EPC2: variants seen among roughly 807,000 people sequenced by gnomAD.
The protein encoded by EPC2 is enhancer of polycomb homolog 2.
In EPC2, 14 loss-of-function variants were observed where a neutral mutation model predicts 92.1. That is an observed-to-expected ratio of 0.15 (90% CI 0.10 to 0.24). The LOEUF is 0.24. EPC2 is among the 10% of genes least tolerant of loss of function. EPC2 has a pLI of 1.00. For missense variants in EPC2, 755 were observed against 971.5 expected (o/e 0.78, Z 2.96); for synonymous variants, 340 against 334.7 (o/e 1.02, Z -0.17).
intron 1 of EPC2, among the ~76,000 whole-genome samples, chr2:148,681,207 C>T (rs1558807511): frequency 6.6e-6 from 1 of 152,168 alleles, no homozygotes; most frequent in East Asian, 1.9e-4. Flanking sequence ...ACGTCCACTT[C>T]TGAGAAGCCT....
At chr2:148,677,625 G>A (rs1335327267) in intron 1 of EPC2, among the ~76,000 whole-genome samples, 2 of 152,236 alleles carry the variant, frequency 1.3e-5, no homozygotes, top group African/African-American at 4.8e-5. Context: ...CTGACTTCAA[G>A]AATGAAGCCG....
At position 148,674,167 on chromosome 2, in the gene EPC2, A is replaced by G. The variant is rs367978830; in HGVS notation, c.154-16047A>G. Among the ~76,000 whole-genome samples the G allele has an allele frequency of 1.0e-3, 153 of 152,298 alleles. 3 individuals carry two copies. The highest frequency in any genetic ancestry group is 7.7e-3 in the East Asian group (40 of 5,178). On this transcript the variant is annotated intron_variant, in intron 1 of 13. Coordinates refer to ENST00000258484, the MANE Select transcript of EPC2 (RefSeq NM_015630.4). Reference sequence around the variant, plus strand: ...GTCCAGCTAGAGATTCTGGAGATGCATCTTTGTTGTACTTGTATGTGTAAT... The same window carrying G: ...GTCCAGCTAGAGATTCTGGAGATGCGTCTTTGTTGTACTTGTATGTGTAAT...
rs1683870751 is a variant in EPC2, at chr2:148,786,491, C to CTA, written c.*117_*118dup. 3.9e-6 allele frequency: 3 copies of CTA among 776,220 alleles called. No homozygotes were observed. The South Asian group carries it at 5.2e-5, about 13-fold the overall frequency. The allele number at this position is 776,220 out of a possible 1,614,324, so 48.1% of individuals were successfully genotyped here. ...GAGTGTAACAATGGACCTAAATGGA[C>CTA]TATAGTATATTGGATGTTAAATCCA... On this transcript the variant is annotated 3_prime_UTR_variant, in exon 14 of 14. Transcript: ENST00000258484.
chr2:148,769,703 T>C (rs1289550776), intron 8 of EPC2, among the ~76,000 whole-genome samples: 1 of 152,180 alleles, frequency 6.6e-6, no homozygotes, highest in Admixed American at 6.5e-5. Context: ...TGTCTAATAA[T>C]TGTATTCATA....
At chr2:148,710,855 G>T (rs1453794322) in intron 2 of EPC2, among the ~76,000 whole-genome samples, 3 of 152,096 alleles carry the variant, frequency 2.0e-5, no homozygotes, top group African/African-American at 7.2e-5. Context: ...GTGGGTTGGG[G>T]GGAGTGGGGA....
In EPC2 at chr2:148,786,320, A is replaced by G. The variant is rs764709455; in HGVS notation, c.2367A>G (p.Pro789=). 4.1e-5 allele frequency: 66 copies of G among 1,611,938 alleles called. No individual in the cohort carries two copies. The highest frequency in any genetic ancestry group is 5.2e-5 in the Non-Finnish European group (61 of 1,179,048). ...ISSIARENHE[P]ERLGLNGIAE... ...ATTACCATAGAGAGAACCACGAACC[A>G]GAAAGATTGGGCTTAAATGGAATAG... is the stretch of plus-strand genomic sequence containing the variant. The change falls in exon 14 of 14, where the codon CCA becomes CCG. Residue 789 remains proline (P), a synonymous_variant. Coordinates refer to ENST00000258484, the MANE Select transcript of EPC2 (RefSeq NM_015630.4).
intron 2 of EPC2, among the ~76,000 whole-genome samples, chr2:148,697,996 G>A (rs748282462): frequency 8.6e-5 from 13 of 151,984 alleles, no homozygotes; most frequent in African/African-American, 1.2e-4. Context: ...ATTGGACCAC[G>A]TAGGACCTCA....
chr2:148,780,899 T>A (rs1379656982), intron 10 of EPC2, among the ~76,000 whole-genome samples: 1 of 152,208 alleles, frequency 6.6e-6, no homozygotes, highest in Non-Finnish European at 1.5e-5. Flanking sequence ...TGTTTACATT[T>A]CTTTGAGAAA....
rs114128512 is a variant in EPC2, at chr2:148,738,528, T to C, written c.314-5094T>C. On this transcript the variant is annotated intron_variant, in intron 2 of 13. Transcript: ENST00000258484. The stretch of plus-strand genomic sequence containing the variant: ...ACTTTTGATTGGTTTACATTCAGTC[T>C]ATTAGAGGGTACTTATGCTATATGT... 7.2e-3 allele frequency among the ~76,000 whole-genome samples: 1,090 copies of C among 152,338 alleles called. 6 individuals carry two copies. The highest frequency in any genetic ancestry group is 0.025 in the African/African-American group (1,024 of 41,562).
At chr2:148,748,672 A>C (rs1450791733) in intron 3 of EPC2, among the ~76,000 whole-genome samples, 3 of 152,162 alleles carry the variant, frequency 2.0e-5, no homozygotes, top group African/African-American at 7.2e-5. Context: ...TATATACTTT[A>C]TACACACAGT....
At chr2:148,660,751 C>T (rs917254689) in intron 1 of EPC2, among the ~76,000 whole-genome samples, 1 of 151,830 alleles carries the variant, frequency 6.6e-6, no homozygotes, top group Admixed American at 6.6e-5. Flanking sequence ...GTTGTCTAAA[C>T]ATCATTTAAA....
At chr2:148,755,302 A>G (rs1021191934) in intron 4 of EPC2, among the ~76,000 whole-genome samples, 9 of 152,284 alleles carry the variant, frequency 5.9e-5, no homozygotes, top group East Asian at 1.9e-4. Context: ...CTGAAACAAG[A>G]TAAGTTCATA....
At chr2:148,766,681 A>G (rs1249150014) in intron 7 of EPC2, among the ~76,000 whole-genome samples, 2 of 152,236 alleles carry the variant, frequency 1.3e-5, no homozygotes, top group African/African-American at 4.8e-5. Flanking sequence ...AGCACAAAAC[A>G]TAGAAGAGGA....
chr2:148,658,635 A>AT (rs1680867065), intron 1 of EPC2, among the ~76,000 whole-genome samples: 1 of 148,502 alleles, frequency 6.7e-6, no homozygotes, highest in African/African-American at 2.5e-5. Flanking sequence ...ATATATATGC[A>AT]TTTTTCCCTT....
intron 9 of EPC2, 45 bp downstream of exon 9, chr2:148,770,982 A>G (rs756742878): frequency 1.1e-5 from 18 of 1,598,836 alleles, no homozygotes; most frequent in Middle Eastern, 1.7e-4. Flanking sequence ...TATCTGGAAC[A>G]GAAGACAAAG....
Position 148,761,926 on chromosome 2 carries a change from A to G in EPC2, c.811A>G (p.Lys271Glu). The stretch of plus-strand genomic sequence containing the variant: ...GCACTTAACCTTAGAAGTTGTGGAG[A>G]AAAGGTAACATTGCTCCTGTTACAA... ...LLHLTLEVVEKRYHLGDYGGE... is the reference protein window; with the variant it reads ...LLHLTLEVVEERYHLGDYGGE... The change falls in exon 5 of 14, where the codon AAA (lysine) becomes GAA (glutamate). Residue 271 changes from lysine (K) to glutamate (E), a missense_variant. Transcript: ENST00000258484. 6.3e-7 allele frequency: 1 copy of G among 1,583,920 alleles called. No homozygotes were observed. The highest frequency in any genetic ancestry group is 8.5e-7 in the Non-Finnish European group (1 of 1,170,408).
At chr2:148,772,316 T>C (rs1348387597) in intron 10 of EPC2, among the ~76,000 whole-genome samples, 1 of 152,200 alleles carries the variant, frequency 6.6e-6, no homozygotes, top group African/African-American at 2.4e-5. Flanking sequence ...ATAGATATCT[T>C]TATACATTGT....
Position 148,784,867 on chromosome 2 carries a change from T to G in EPC2, c.2217T>G (p.Val739=). Reference sequence around the variant, plus strand: ...TGCACCTCAATAATGTCAGTGTTGTTTCTCCAGTCAATGTGCATATCAATA... The same window carrying G: ...TGCACCTCAATAATGTCAGTGTTGTGTCTCCAGTCAATGTGCATATCAATA... ...NAVHLNNVSV[V]SPVNVHINTR... Residue 739 remains valine (V), a synonymous_variant, in exon 13 of 14, where the codon GTT becomes GTG. Coordinates refer to ENST00000258484, the MANE Select transcript of EPC2 (RefSeq NM_015630.4). 1.9e-6 allele frequency: 3 copies of G among 1,613,208 alleles called. No homozygotes were observed. Among genetic ancestry groups the G allele is most frequent in the Non-Finnish European group, 2.5e-6 (3 of 1,179,488 alleles).
intron 3 of EPC2, among the ~76,000 whole-genome samples, chr2:148,746,365 A>G (rs888317250): frequency 3.3e-5 from 5 of 151,916 alleles, no homozygotes; most frequent in Non-Finnish European, 5.9e-5. Context: ...TGTAATCCTT[A>G]TCTCTTCAGT....
Sources: gnomAD v4.1 joint callset for allele counts (sites outside exome capture counted in the v4.1 genomes callset) on GRCh38, gnomAD v4.1.1 for gene constraint, MANE v1.5 for transcripts, NCBI Gene and HGNC (gene_info 2026-07-23, HGNC 2026-07-21) for gene names.